DDX31: variants seen among roughly 807,000 people sequenced by gnomAD.
The protein encoded by DDX31 is DEAD-box helicase 31, also known as ATP-dependent DNA helicase DDX31.
A neutral mutation model predicts 91.3 loss-of-function variants in DDX31; 70 were observed. The ratio of observed to expected loss-of-function variants is 0.77; its 90% CI spans 0.63 to 0.94. DDX31 has a LOEUF of 0.94. Ranked by LOEUF, DDX31 falls within the 40% of genes least tolerant of loss-of-function variation. The pLI is 0.00. For missense variants in DDX31, 902 were observed against 925.0 expected, an observed-to-expected ratio of 0.98 and a Z score of 0.32; for synonymous variants, 362 against 350.6, an observed-to-expected ratio of 1.03 and a Z score of -0.36.
In DDX31 at chr9:132,630,465, G is replaced by A. The variant is rs1752424645; in HGVS notation, c.1492-62C>T. The A allele has an allele frequency of 7.5e-6, 11 of 1,475,766 alleles. No homozygotes were observed. The South Asian group carries it at 1.1e-4, about 14-fold the overall frequency. 91.4% of individuals were successfully genotyped at this position (1,475,766 alleles called of 1,614,324 possible). A position where few individuals can be genotyped will look rare whatever the true frequency, so the allele number is the denominator to read the frequency against. ...CAAGGGACTGCCATTAATTGGAAGT[G>A]CAATACTCCTCACCTGCCTCCAGGT... On this transcript the variant is annotated intron_variant, in intron 15 of 19. Coordinates refer to ENST00000372159, the MANE Select transcript of DDX31 (RefSeq NM_022779.9).
In DDX31 at chr9:132,632,572, C is replaced by A. The variant is rs371052465; in HGVS notation, c.1441-481G>T. 2.6e-5 allele frequency among the ~76,000 whole-genome samples: 4 copies of A among 152,298 alleles called. No individual in the cohort carries two copies. In the South Asian group the frequency reaches 6.2e-4, roughly 24 times the overall value. ...TTCATGGATTATCACCCCCCGCCCACAACCATGAGCAACGCCTAACAAGCT... is the reference window on the plus strand; with the variant it reads ...TTCATGGATTATCACCCCCCGCCCAAAACCATGAGCAACGCCTAACAAGCT... On this transcript the variant is annotated intron_variant, in intron 14 of 19. Transcript: ENST00000372159.
intron 1 of DDX31, chr9:132,669,592 ATTCC>A (rs1442860250): frequency 6.7e-7 from 1 of 1,496,412 alleles, no homozygotes; most frequent in South Asian, 1.2e-5. Flanking sequence ...ACAGCCTCTA[ATTCC>A]TTCCTTTACT....
At chr9:132,638,210 C>T (rs567086260) in intron 14 of DDX31, 16 of 1,510,512 alleles carry the variant, frequency 1.1e-5, no homozygotes, top group Admixed American at 1.0e-4. Flanking sequence ...GGACAGCCAC[C>T]GGAGACCAAC....
In DDX31 at chr9:132,594,939, C is replaced by G. The variant is rs140473313; in HGVS notation, c.2168G>C (p.Arg723Pro). The G allele has an allele frequency of 6.8e-6, 11 of 1,614,188 alleles. No individual in the cohort carries two copies. In the African/African-American group the frequency reaches 1.1e-4, roughly 16 times the overall value. ...TTTTCTCCATTTTAATGTTTTCCCA[C>G]GGCCAAAGCAGGGTGTCGGCTGCAG... is the stretch of plus-strand genomic sequence containing the variant. The part of the protein sequence containing the change: ...HSLQPTPCFG[R>P]GKTLKWRKTQ... The change falls in exon 20 of 20, where the codon CGT (arginine) becomes CCT (proline). Residue 723 changes from arginine (R) to proline (P), a missense_variant. By Grantham distance (103) the Arg-to-Pro change is moderately radical. Coordinates refer to ENST00000372159, the MANE Select transcript of DDX31 (RefSeq NM_022779.9).
intron 10 of DDX31, 49 bp from the exon 11 acceptor site, chr9:132,648,344 T>C (rs1590071713): frequency 1.9e-6 from 3 of 1,606,464 alleles, no homozygotes; most frequent in South Asian, 2.2e-5. Flanking sequence ...GAAGAGCAGA[T>C]GTGGTCTAAG....
chr9:132,660,335 CAAA>C (rs773583376), intron 4 of DDX31, among the ~76,000 whole-genome samples: 6 of 55,316 alleles, frequency 1.1e-4, no homozygotes, highest in Non-Finnish European at 1.5e-4. Flanking sequence ...AACTCCGTCT[CAAA>C]AAAAAAAAAA....
At chr9:132,642,178 G>C in intron 13 of DDX31, 115 bp from the exon 14 acceptor site, 1 of 915,104 alleles carries the variant, frequency 1.1e-6, no homozygotes, top group Non-Finnish European at 1.7e-6. Context: ...TTCAGGCACA[G>C]AGAGGTTTGC....
chr9:132,642,068 A>G lies in DDX31; in HGVS notation c.1381-5T>C, dbSNP rs370070427. 16 of 1,613,898 alleles carry G rather than the reference A, an allele frequency of 9.9e-6. No individual in the cohort carries two copies. The highest frequency in any genetic ancestry group is 1.3e-5 in the African/African-American group (1 of 74,948). ...CTGAAACACTGCTGTTCTTTCCTACAAAAACAAGGAAAAATAGAGCCTTAC... is the reference window on the plus strand; with the variant it reads ...CTGAAACACTGCTGTTCTTTCCTACGAAAACAAGGAAAAATAGAGCCTTAC... On this transcript the variant is annotated splice_polypyrimidine_tract_variant and splice_region_variant and intron_variant, in intron 13 of 19. Coordinates refer to ENST00000372159, the MANE Select transcript of DDX31 (RefSeq NM_022779.9).
intron 17 of DDX31, among the ~76,000 whole-genome samples, chr9:132,621,046 C>T (rs1283937277): frequency 1.3e-5 from 2 of 152,166 alleles, no homozygotes; most frequent in African/African-American, 4.8e-5. Context: ...ATGCCAGCAA[C>T]GGCTCCTTTG....
intron 18 of DDX31, among the ~76,000 whole-genome samples, chr9:132,614,767 A>G (rs1831536907): frequency 6.6e-6 from 1 of 152,148 alleles, no homozygotes; most frequent in African/African-American, 2.4e-5. Context: ...TGAGTTTGCC[A>G]AGATGTGGCA....
At chr9:132,660,910 T>A (rs1395178082) in intron 4 of DDX31, among the ~76,000 whole-genome samples, 1 of 152,196 alleles carries the variant, frequency 6.6e-6, no homozygotes, top group East Asian at 1.9e-4. Context: ...ACATGCTATA[T>A]TTTGGCCAAA....
At chr9:132,665,737 T>C (rs762936141) in intron 1 of DDX31, among the ~76,000 whole-genome samples, 1 of 152,204 alleles carries the variant, frequency 6.6e-6, no homozygotes, top group African/African-American at 2.4e-5. Context: ...GCCATGGCTT[T>C]GATATTAATA....
In DDX31 at chr9:132,597,944, C is replaced by T. The variant is rs138071533; in HGVS notation, c.1995-2832G>A. ...AAGCACCTTTTGGAGATGGGTCCTA[C>T]GTGCCTTCAGTTATCATCACCACCT... On this transcript the variant is annotated intron_variant, in intron 19 of 19. Coordinates refer to ENST00000372159, the MANE Select transcript of DDX31 (RefSeq NM_022779.9). 2.8e-3 allele frequency among the ~76,000 whole-genome samples: 428 copies of T among 152,308 alleles called. 3 individuals carry two copies. Among genetic ancestry groups the T allele is most frequent in the African/African-American group, 9.7e-3 (403 of 41,568 alleles).
At position 132,620,760 on chromosome 9, in the gene DDX31, G is replaced by A. The variant is rs373254848; in HGVS notation, c.1714-2319C>T. On this transcript the variant is annotated intron_variant, in intron 17 of 19. Coordinates refer to ENST00000372159, the MANE Select transcript of DDX31 (RefSeq NM_022779.9). ...GTTATGCAGCACCATCTCAGCCCCC[G>A]ACAGGTAAAATGCTCCTATAATGAG... is the stretch of plus-strand genomic sequence containing the variant. 5.5e-4 allele frequency among the ~76,000 whole-genome samples: 84 copies of A among 152,278 alleles called. No homozygotes were observed. In the South Asian group the frequency reaches 0.016, roughly 29 times the overall value.
At chr9:132,650,506 C>T (rs1032056091) in intron 8 of DDX31, among the ~76,000 whole-genome samples, 7 of 152,236 alleles carry the variant, frequency 4.6e-5, no homozygotes, top group Admixed American at 1.3e-4. Flanking sequence ...ATATAACTAG[C>T]TTCTACCACA....
At chr9:132,645,752 G>T in intron 13 of DDX31, 143 bp downstream of exon 13, 1 of 863,852 alleles carries the variant, frequency 1.2e-6, no homozygotes, top group Non-Finnish European at 1.7e-6. Context: ...ACCCATTTTC[G>T]TCTCATTCTT....
intron 12 of DDX31, among the ~76,000 whole-genome samples, chr9:132,646,519 A>G (rs1359899200): frequency 6.6e-6 from 1 of 152,168 alleles, no homozygotes; most frequent in Non-Finnish European, 1.5e-5. Flanking sequence ...AAACATGAGC[A>G]CAAGCCCCTA....
At chr9:132,666,941 C>G (rs1354650416) in intron 1 of DDX31, among the ~76,000 whole-genome samples, 1 of 152,058 alleles carries the variant, frequency 6.6e-6, no homozygotes, top group Non-Finnish European at 1.5e-5. Flanking sequence ...TCTCGATCTC[C>G]TGACCTCGTG....
intron 14 of DDX31, among the ~76,000 whole-genome samples, chr9:132,639,259 G>C (rs891900594): frequency 5.3e-5 from 8 of 152,080 alleles, no homozygotes; most frequent in Non-Finnish European, 7.3e-5. Context: ...AGGAAGCGAA[G>C]AACTTCCCAC....
Sources: gnomAD v4.1 joint callset for allele counts (sites outside exome capture counted in the v4.1 genomes callset) on GRCh38, gnomAD v4.1.1 for gene constraint, MANE v1.5 for transcripts, NCBI Gene and HGNC (gene_info 2026-07-23, HGNC 2026-07-21) for gene names.